ESCO1: variants seen among roughly 807,000 people sequenced by gnomAD.
ESCO1 encodes the protein N-acetyltransferase ESCO1.
Under a neutral mutation model 83.5 loss-of-function variants are expected in ESCO1, and 33 were observed. That is an observed-to-expected ratio of 0.40 (90% CI 0.30 to 0.53). ESCO1 has a LOEUF of 0.53. ESCO1 is among the 20% of genes least tolerant of loss of function. The probability of loss-of-function intolerance (pLI) is 0.63; values close to 1 mark genes in which losing one functional copy is unlikely to be tolerated. For missense variants in ESCO1, 855 were observed against 968.0 expected (o/e 0.88, Z 1.55); for synonymous variants, 332 against 324.3 (o/e 1.02, Z -0.25).
At chr18:21,584,595 A>T (rs140420350) in intron 1 of ESCO1, among the ~76,000 whole-genome samples, 155 bp from the exon 2 acceptor site, 6 of 152,232 alleles carry the variant, frequency 3.9e-5, no homozygotes, top group African/African-American at 1.4e-4. Flanking sequence ...TCAAGGATCA[A>T]GGATCGCTTG....
Position 21,598,737 on chromosome 18 carries a change from G to C in ESCO1, c.-825+1886C>G, listed in dbSNP as rs570709226. ...AACAAACAATTACTTGTTCACTACAGGATTATAATATTGATTGAGAAAGGT... is the reference window on the plus strand; with the variant it reads ...AACAAACAATTACTTGTTCACTACACGATTATAATATTGATTGAGAAAGGT... On this transcript the variant is annotated intron_variant, in intron 1 of 11. Transcript: ENST00000269214. 1.0e-3 allele frequency among the ~76,000 whole-genome samples: 157 copies of C among 151,912 alleles called. 1 individual carries two copies. Among genetic ancestry groups the C allele is most frequent in the Non-Finnish European group, 1.1e-3 (77 of 67,962 alleles).
chr18:21,538,445 A>G (rs921758274), intron 9 of ESCO1, among the ~76,000 whole-genome samples: 10 of 152,210 alleles, frequency 6.6e-5, no homozygotes, highest in Non-Finnish European at 1.2e-4. Context: ...CAATGTTTCA[A>G]ATACAAGACA....
At chr18:21,558,491 G>A (rs1347969746) in intron 8 of ESCO1, among the ~76,000 whole-genome samples, 1 of 152,094 alleles carries the variant, frequency 6.6e-6, no homozygotes, top group Non-Finnish European at 1.5e-5. Context: ...CATTTTGGGA[G>A]GCCAAGGTGG....
At chr18:21,552,204 A>C (rs1282694571) in intron 8 of ESCO1, among the ~76,000 whole-genome samples, 1 of 152,220 alleles carries the variant, frequency 6.6e-6, no homozygotes, top group Non-Finnish European at 1.5e-5. Context: ...TGGAGGACTG[A>C]CACTACCCAA....
intron 2 of ESCO1, among the ~76,000 whole-genome samples, chr18:21,579,041 T>C (rs1182625322): frequency 1.3e-5 from 2 of 152,126 alleles, no homozygotes; most frequent in African/African-American, 2.4e-5. Context: ...TTTGTATTTT[T>C]AGTAGAGATC....
At chr18:21,536,276 C>T in intron 9 of ESCO1, 91 bp from the exon 10 acceptor site, 1 of 1,366,438 alleles carries the variant, frequency 7.3e-7, no homozygotes, top group Admixed American at 2.2e-5. Context: ...CAACTTTATT[C>T]CAAGCAGGGC....
chr18:21,543,525 T>C (rs914067387), intron 8 of ESCO1, among the ~76,000 whole-genome samples: 1 of 152,158 alleles, frequency 6.6e-6, no homozygotes, highest in Admixed American at 6.5e-5. Flanking sequence ...AAAAAAAGGA[T>C]TACAATTGGA....
At chr18:21,560,044 T>C (rs2038163075) in intron 8 of ESCO1, among the ~76,000 whole-genome samples, 1 of 152,124 alleles carries the variant, frequency 6.6e-6, no homozygotes, top group South Asian at 2.1e-4. Context: ...TAAAGATTTA[T>C]ATGAAATGAA....
In ESCO1 at chr18:21,535,568, G is replaced by A. The variant is rs549055868; in HGVS notation, c.2187+474C>T. On this transcript the variant is annotated intron_variant, in intron 10 of 11. Transcript: ENST00000269214. The stretch of plus-strand genomic sequence containing the variant: ...AGGCTCATTTTTTGTATTTTCAGTA[G>A]AGAAAGGGTTTCACCGTATTAGCCA... Among the ~76,000 whole-genome samples, 3 of 152,212 alleles carry A rather than the reference G, an allele frequency of 2.0e-5. No individual in the cohort carries two copies. In the South Asian group the frequency reaches 6.2e-4, roughly 32 times the overall value.
At position 21,575,692 on chromosome 18, in the gene ESCO1, G is replaced by C; in HGVS notation, c.-608C>G. The C allele has an allele frequency of 2.5e-6, 1 of 398,284 alleles. No homozygotes were observed. Among genetic ancestry groups the C allele is most frequent in the Non-Finnish European group, 4.4e-6 (1 of 225,924 alleles). 24.7% of individuals were successfully genotyped at this position (398,284 alleles called of 1,614,324 possible). ...CTTACAGTTTTTGCCCCAAAATATA[G>C]ACTCGATGTCTCAGCCACCATAACT... On this transcript the variant is annotated 5_prime_UTR_variant, in exon 3 of 12. Coordinates refer to ENST00000269214, the MANE Select transcript of ESCO1 (RefSeq NM_052911.3).
In ESCO1 at chr18:21,575,270, T is replaced by C. The variant is rs2038404429; in HGVS notation, c.-427A>G. The C allele has an allele frequency of 2.5e-6, 1 of 392,256 alleles. No individual in the cohort carries two copies. The highest frequency in any genetic ancestry group is 2.1e-5 in the African/African-American group (1 of 48,468). The allele number at this position is 392,256 out of a possible 1,614,324, so 24.3% of individuals were successfully genotyped here. On this transcript the variant is annotated 5_prime_UTR_variant, in exon 4 of 12. Coordinates refer to ENST00000269214, the MANE Select transcript of ESCO1 (RefSeq NM_052911.3). Reference sequence around the variant, plus strand: ...AAAATTTTTGAAAACTTTTTTCTTCTGAAGTCTACAGTTATTGGACTTCGA... The same window carrying C: ...AAAATTTTTGAAAACTTTTTTCTTCCGAAGTCTACAGTTATTGGACTTCGA...
chr18:21,537,861 G>C (rs1472409813), intron 9 of ESCO1, among the ~76,000 whole-genome samples: 1 of 152,066 alleles, frequency 6.6e-6, no homozygotes, highest in Non-Finnish European at 1.5e-5. Flanking sequence ...TTTCATTTCA[G>C]TTGACCCTCG....
intron 8 of ESCO1, among the ~76,000 whole-genome samples, chr18:21,542,306 C>G (rs1263309279): frequency 6.6e-6 from 1 of 152,148 alleles, no homozygotes; most frequent in African/African-American, 2.4e-5. Flanking sequence ...CTTGCTTCAG[C>G]CTCCCAAGTA....
At chr18:21,599,431 T>C (rs141621719) in intron 1 of ESCO1, among the ~76,000 whole-genome samples, 85 of 152,340 alleles carry the variant, frequency 5.6e-4, no homozygotes, top group African/African-American at 1.9e-3. Context: ...AAAGTGAATA[T>C]AGCATAGTTC....
chr18:21,556,752 G>A (rs1211056797), intron 8 of ESCO1, among the ~76,000 whole-genome samples: 1 of 151,966 alleles, frequency 6.6e-6, no homozygotes, highest in East Asian at 1.9e-4. Flanking sequence ...CCAGGCTGCA[G>A]TACAGTGGCA....
chr18:21,578,276 A>G (rs990896030), intron 2 of ESCO1, among the ~76,000 whole-genome samples: 3 of 152,180 alleles, frequency 2.0e-5, no homozygotes, highest in African/African-American at 7.2e-5. Context: ...ATACAAGAAC[A>G]GCATACAAAA....
At chr18:21,556,897 C>T (rs998313068) in intron 8 of ESCO1, among the ~76,000 whole-genome samples, 3 of 152,240 alleles carry the variant, frequency 2.0e-5, no homozygotes, top group South Asian at 2.1e-4. Flanking sequence ...GATGGGGTTT[C>T]ACCATGTCGG....
intron 4 of ESCO1, among the ~76,000 whole-genome samples, chr18:21,571,610 G>C (rs913968708): frequency 6.6e-6 from 1 of 152,200 alleles, no homozygotes; most frequent in African/African-American, 2.4e-5. Flanking sequence ...CTTCATTCAA[G>C]TACAGTTTAG....
chr18:21,591,340 C>T (rs994419433), intron 1 of ESCO1, among the ~76,000 whole-genome samples: 1 of 152,154 alleles, frequency 6.6e-6, no homozygotes, highest in South Asian at 2.1e-4. Context: ...AGGCAAGGAA[C>T]AAATTTAAGA....
Sources: allele counts gnomAD v4.1 joint callset (sites outside exome capture counted in the v4.1 genomes callset), GRCh38; gene constraint gnomAD v4.1.1; transcripts MANE v1.5; gene names NCBI Gene and HGNC (gene_info 2026-07-23, HGNC 2026-07-21).